KCNQ1: variants seen among roughly 807,000 people sequenced by gnomAD.
KCNQ1 encodes the protein potassium voltage-gated channel subfamily KQT member 1.
KCNQ1 carries 49 observed loss-of-function variants against 72.4 expected under a neutral mutation model. That is an observed-to-expected ratio of 0.68 (90% confidence interval 0.54 to 0.86). The LOEUF is 0.86. Among genes scored for constraint, KCNQ1 ranks in the 40% least tolerant of loss-of-function variants. The pLI, the probability that KCNQ1 is intolerant of heterozygous loss-of-function variation, is 0.00. For missense variants in KCNQ1, 790 were observed against 945.1 expected (o/e 0.84, Z 2.15); for synonymous variants, 450 against 412.6 (o/e 1.09, Z -1.10).
At position 2,493,959 on chromosome 11, in the gene KCNQ1, A is replaced by G. The variant is rs1846872742; in HGVS notation, c.387-33969A>G. Among the ~76,000 whole-genome samples, 1 of 152,136 alleles carries G rather than the reference A, an allele frequency of 6.6e-6. No individual in the cohort carries two copies. The highest frequency in any genetic ancestry group is 1.5e-5 in the Non-Finnish European group (1 of 68,026). ...TGGGCAGTATGGCCATTTTCATGAT[A>G]CTGATTATTCCTATCCATGAGCATG... On this transcript the variant is annotated intron_variant, in intron 1 of 15. Transcript: ENST00000155840. This position sits in a 1 kb window ranked among gnomAD's most constrained non-coding sequence, Gnocchi z 5.3.
intron 15 of KCNQ1, among the ~76,000 whole-genome samples, chr11:2,829,855 C>T (rs935534099): frequency 2.8e-5 from 4 of 141,130 alleles, no homozygotes; most frequent in African/African-American, 8.0e-5. Context: ...GAGAGCTTCA[C>T]GGGTTTTCTC....
intron 11 of KCNQ1, chr11:2,665,506 C>G (rs943879757): frequency 2.5e-6 from 1 of 394,576 alleles, no homozygotes; most frequent in Non-Finnish European, 4.4e-6. Flanking sequence ...CTGTGCCTTG[C>G]GTGTGGTAAC....
In KCNQ1 at chr11:2,679,485, C is replaced by T. The variant is rs1171704291; in HGVS notation, c.1514+17404C>T. The T allele has an allele frequency of 7.5e-6, 3 of 398,480 alleles. No homozygotes were observed. Among genetic ancestry groups the T allele is most frequent in the African/African-American group, 2.1e-5 (1 of 48,618 alleles). 24.7% of individuals were successfully genotyped at this position (398,480 alleles called of 1,614,324 possible). On this transcript the variant is annotated intron_variant, in intron 11 of 15. Coordinates refer to ENST00000155840, the MANE Select transcript of KCNQ1 (RefSeq NM_000218.3). The surrounding 1 kb of genome is among the most constrained non-coding windows in gnomAD (Gnocchi z 4.8). Reference sequence around the variant, plus strand: ...TAAAGTATGCAGAAAAGTGCCTGTCCTATAGTAGTGACACAGTGTTACTTA... The same window carrying T: ...TAAAGTATGCAGAAAAGTGCCTGTCTTATAGTAGTGACACAGTGTTACTTA...
chr11:2,583,396 A>C (rs1245358433), intron 6 of KCNQ1, 39 bp from the exon 7 acceptor site: 1 of 1,445,598 alleles, frequency 6.9e-7, no homozygotes. Context: ...CCGAGGCTCC[A>C]GTCCCATCCG....
At position 2,673,092 on chromosome 11, in the gene KCNQ1, G is replaced by A. The variant is rs990627840; in HGVS notation, c.1514+11011G>A. 5.5e-5 allele frequency: 22 copies of A among 398,852 alleles called. No homozygotes were observed. The highest frequency in any genetic ancestry group is 8.0e-5 in the Non-Finnish European group (18 of 226,246). 24.7% of individuals were successfully genotyped at this position (398,852 alleles called of 1,614,324 possible). Reference sequence around the variant, plus strand: ...TTCTCAGGCCACAGTAGGCCTTCACGGTACTCAGCAGGAGACCCCAGCAGG... The same window carrying A: ...TTCTCAGGCCACAGTAGGCCTTCACAGTACTCAGCAGGAGACCCCAGCAGG... On this transcript the variant is annotated intron_variant, in intron 11 of 15. Transcript: ENST00000155840. The surrounding 1 kb of genome is among the most constrained non-coding windows in gnomAD (Gnocchi z 4.5).
chr11:2,528,819 C>T (rs1206582979), intron 2 of KCNQ1, among the ~76,000 whole-genome samples: 1 of 152,268 alleles, frequency 6.6e-6, no homozygotes, highest in Admixed American at 6.5e-5. Context: ...ATGCTGCTTT[C>T]TGGCACTGTG....
Position 2,496,495 on chromosome 11 carries a change from C to CTTTTTTTTTTTTTTTTTTTTTTTTT in KCNQ1, c.387-31432_387-31408dup. Among the ~76,000 whole-genome samples, 90 of 29,844 alleles carry CTTTTTTTTTTTTTTTTTTTTTTTTT rather than the reference C, an allele frequency of 3.0e-3. 25 individuals carry two copies. Among genetic ancestry groups the CTTTTTTTTTTTTTTTTTTTTTTTTT allele is most frequent in the South Asian group, 5.3e-3 (2 of 378 alleles). The allele number at this position is 29,844 out of a possible 152,430, so 19.6% of individuals were successfully genotyped here. ...AAAATGGCTAGGATCACAACCCCTG[C>CTTTTTTTTTTTTTTTTTTTTTTTTT]TTTTTTTTTTTTTTTTTTTTTTTTT... On this transcript the variant is annotated intron_variant, in intron 1 of 15. Transcript: ENST00000155840.
rs1339707021 is a variant in KCNQ1 at position 2,654,109 on chromosome 11, G to T, written c.1394-7852G>T. 4 of 398,652 alleles carry T rather than the reference G, an allele frequency of 1.0e-5. No individual in the cohort carries two copies. The highest frequency in any genetic ancestry group is 8.2e-5 in the African/African-American group (4 of 48,650). The allele number at this position is 398,652 out of a possible 1,614,324, so 24.7% of individuals were successfully genotyped here. On this transcript the variant is annotated intron_variant, in intron 10 of 15. Transcript: ENST00000155840. This position sits in a 1 kb window ranked among gnomAD's most constrained non-coding sequence, Gnocchi z 6.4. ...CCCTTACTTCTCGCCTCTGAGTGGA[G>T]ACACAGGTGGTGGCGGGGCCACTCT...
chr11:2,580,204 C>T (rs1205228227), intron 6 of KCNQ1, among the ~76,000 whole-genome samples: 1 of 152,054 alleles, frequency 6.6e-6, no homozygotes, highest in Non-Finnish European at 1.5e-5. Context: ...CGCCCAGCCC[C>T]CCTCAGGCCA....
intron 14 of KCNQ1, chr11:2,777,615 GCA>G (rs772776960): frequency 1.7e-6 from 1 of 576,982 alleles, no homozygotes; most frequent in East Asian, 2.8e-5. Flanking sequence ...GTGTAACGGA[GCA>G]GCGGAATGGC....
At chr11:2,517,555 C>T (rs1847308602) in intron 1 of KCNQ1, among the ~76,000 whole-genome samples, 1 of 152,198 alleles carries the variant, frequency 6.6e-6, no homozygotes. Flanking sequence ...AAGGCAGGAC[C>T]TTGTCCCAGG....
At chr11:2,755,978 A>G (rs1355661628) in intron 11 of KCNQ1, among the ~76,000 whole-genome samples, 1 of 152,244 alleles carries the variant, frequency 6.6e-6, no homozygotes, top group African/African-American at 2.4e-5. Flanking sequence ...GGCACCATTT[A>G]CAGAAACCAT....
chr11:2,625,289 C>G (rs903464800), intron 10 of KCNQ1: 40 of 398,488 alleles, frequency 1.0e-4, no homozygotes, highest in Non-Finnish European at 1.7e-4. Flanking sequence ...CTGGCTCTGT[C>G]ACTTAGGCTG....
Position 2,690,570 on chromosome 11 carries a change from G to A in KCNQ1, c.1514+28489G>A. The A allele has an allele frequency of 2.5e-6, 1 of 398,630 alleles. No homozygotes were observed. The highest frequency in any genetic ancestry group is 3.6e-5 in the East Asian group (1 of 28,076). 24.7% of individuals were successfully genotyped at this position (398,630 alleles called of 1,614,324 possible). On this transcript the variant is annotated intron_variant, in intron 11 of 15. Transcript: ENST00000155840. This position sits in a 1 kb window ranked among gnomAD's most constrained non-coding sequence, Gnocchi z 5.1. ...GACAAGAAGTAACATGTCAAAGATG[G>A]GACAGAACCCACCTCCTGGCAGGGA...
intron 11 of KCNQ1, among the ~76,000 whole-genome samples, chr11:2,733,814 A>ACACACACACACACC: frequency 2.3e-5 from 2 of 86,612 alleles, no homozygotes; most frequent in Non-Finnish European, 4.8e-5. Context: ...ACACACACAC[A>ACACACACACACACC]CTCTCTCACT....
rs1846738608 is a variant in KCNQ1 at position 2,486,236 on chromosome 11, T to G, written c.386+40752T>G. ...TCTCATTATAGTTTTGATTTACATTTTCTTATGAGTAGTGATGTTGAGTAT... is the reference window on the plus strand; with the variant it reads ...TCTCATTATAGTTTTGATTTACATTGTCTTATGAGTAGTGATGTTGAGTAT... On this transcript the variant is annotated intron_variant, in intron 1 of 15. Transcript: ENST00000155840. The surrounding 1 kb of genome is among the most constrained non-coding windows in gnomAD (Gnocchi z 5.0). 6.6e-6 allele frequency among the ~76,000 whole-genome samples: 1 copy of G among 152,210 alleles called. No homozygotes were observed. Among genetic ancestry groups the G allele is most frequent in the Admixed American group, 6.5e-5 (1 of 15,286 alleles).
At chr11:2,573,434 C>G (rs1271971012) in intron 6 of KCNQ1, among the ~76,000 whole-genome samples, 1 of 152,208 alleles carries the variant, frequency 6.6e-6, no homozygotes, top group African/African-American at 2.4e-5. Context: ...GTAAGTGCCC[C>G]TGTCCCCAAG....
intron 10 of KCNQ1, chr11:2,625,728 C>T (rs1400638923): frequency 2.5e-6 from 1 of 397,636 alleles, no homozygotes; most frequent in African/African-American, 2.1e-5. Context: ...CACCACCACG[C>T]CTGGCTAATT....
chr11:2,521,351 G>A (rs755061414), intron 1 of KCNQ1: 15 of 352,306 alleles, frequency 4.3e-5, no homozygotes, highest in Admixed American at 1.0e-4. Context: ...GGGCCTTTGC[G>A]CTTCTGTGAC....
Sources: allele counts gnomAD v4.1 joint callset (sites outside exome capture counted in the v4.1 genomes callset), GRCh38; gene constraint gnomAD v4.1.1; non-coding constraint Gnocchi (gnomAD v3.1); transcripts MANE v1.5; gene names NCBI Gene and HGNC (gene_info 2026-07-23, HGNC 2026-07-21).